Variants in GLRX2 observed in about 807,000 individuals in gnomAD.
GLRX2 encodes the protein glutaredoxin 2.
Under a neutral mutation model 16.4 loss-of-function variants are expected in GLRX2, and 12 were observed. That is an observed-to-expected ratio of 0.73 (90% confidence interval 0.47 to 1.19). GLRX2 has a LOEUF of 1.19. Among genes scored for constraint, GLRX2 ranks in the 50% most tolerant of loss-of-function variants. GLRX2 has a pLI of 0.00. For synonymous variants in GLRX2, 95 were observed against 76.2 expected (o/e 1.25, Z -1.28); for missense variants, 201 against 201.8 (o/e 1.00, Z 0.02).
intron 2 of GLRX2, among the ~76,000 whole-genome samples, chr1:193,099,476 G>A (rs887763370): frequency 1.3e-5 from 2 of 152,128 alleles, no homozygotes; most frequent in African/African-American, 2.4e-5. Flanking sequence ...AAGTGTCTGG[G>A]ACTACAGACA....
intron 2 of GLRX2, among the ~76,000 whole-genome samples, chr1:193,099,002 C>T (rs928414781): frequency 6.6e-6 from 1 of 152,114 alleles, no homozygotes; most frequent in Non-Finnish European, 1.5e-5. Context: ...TTCCTATATA[C>T]CTTTATAGTA....
intron 1 of GLRX2, among the ~76,000 whole-genome samples, chr1:193,103,358 A>G (rs964306433): frequency 8.5e-5 from 13 of 152,232 alleles, no homozygotes; most frequent in Non-Finnish European, 1.6e-4. Context: ...TGTGGAGACA[A>G]GAACAGAAAA....
At chr1:193,105,563 T>G, upstream of GLRX2, 1 of 1,603,704 alleles carries the variant, frequency 6.2e-7, no homozygotes, top group Non-Finnish European at 8.5e-7. Flanking sequence ...GAGCGCTGGA[T>G]TCCAGCGAGT....
intron 2 of GLRX2, among the ~76,000 whole-genome samples, chr1:193,098,997 A>G (rs534381767): frequency 6.6e-6 from 1 of 152,328 alleles, no homozygotes; most frequent in South Asian, 2.1e-4. Context: ...ATCCTTTCCT[A>G]TATACCTTTA....
chr1:193,098,766 G>A (rs1221539), intron 2 of GLRX2, among the ~76,000 whole-genome samples: 3 of 151,932 alleles, frequency 2.0e-5, no homozygotes, highest in Admixed American at 1.3e-4. Flanking sequence ...GGCCAGGCTC[G>A]TCTCAAACTC....
chr1:193,098,739 CG>C lies in GLRX2; in HGVS notation c.184-980del, dbSNP rs1236895029. ...GTTAATTTTTGTTTTTTAGTAGAGA[CG>C]GGGTTTCACCATGTTGGCCAGGCTC... is the stretch of plus-strand genomic sequence containing the variant. On this transcript the variant is annotated intron_variant, in intron 2 of 3. Coordinates refer to ENST00000367439, the MANE Select transcript of GLRX2 (RefSeq NM_197962.3). 1.3e-5 allele frequency among the ~76,000 whole-genome samples: 2 copies of C among 151,908 alleles called. 1 individual carries two copies. Among genetic ancestry groups the C allele is most frequent in the Admixed American group, 1.3e-4 (2 of 15,252 alleles).
At chr1:193,097,997 T>C (rs533224410) in intron 2 of GLRX2, among the ~76,000 whole-genome samples, 1 of 152,302 alleles carries the variant, frequency 6.6e-6, no homozygotes, top group Admixed American at 6.5e-5. Flanking sequence ...ATAATAATTG[T>C]AGCCAATTCA....
intron 1 of GLRX2, among the ~76,000 whole-genome samples, chr1:193,104,923 A>G (rs1675154596): frequency 1.3e-5 from 2 of 152,260 alleles, no homozygotes; most frequent in Admixed American, 1.3e-4. Flanking sequence ...AGTATTTGGG[A>G]CACACTTGGA....
intron 1 of GLRX2, among the ~76,000 whole-genome samples, chr1:193,104,824 G>GT (rs1405423254): frequency 1.3e-5 from 2 of 152,284 alleles, no homozygotes; most frequent in Non-Finnish European, 2.9e-5. Flanking sequence ...GGGTGGCTAA[G>GT]TTTAGCAAAC....
intron 2 of GLRX2, among the ~76,000 whole-genome samples, chr1:193,100,241 G>A (rs536121100): frequency 1.3e-5 from 2 of 152,272 alleles, no homozygotes; most frequent in East Asian, 1.9e-4. Context: ...TTGGGAGGCC[G>A]AGGCAGGTAG....
At chr1:193,105,419 G>A, upstream of GLRX2, 1 of 1,483,626 alleles carries the variant, frequency 6.7e-7, no homozygotes, top group African/African-American at 1.5e-5. Flanking sequence ...TCTACTGCCG[G>A]ACACCGCGGA....
At chr1:193,098,690 T>C (rs1365771831) in intron 2 of GLRX2, among the ~76,000 whole-genome samples, 1 of 152,034 alleles carries the variant, frequency 6.6e-6, no homozygotes, top group Non-Finnish European at 1.5e-5. Flanking sequence ...TAGTTAGGAT[T>C]ATAGGCACCT....
At chr1:193,096,792 A>C (rs1291925583) in intron 3 of GLRX2, 33 bp from the exon 4 acceptor site, 1 of 1,553,932 alleles carries the variant, frequency 6.4e-7, no homozygotes, top group Non-Finnish European at 8.8e-7. Context: ...ATTAGGCTTT[A>C]CTCTAGTATC....
At chr1:193,101,035 T>C in intron 2 of GLRX2, 106 bp downstream of exon 2, 1 of 761,594 alleles carries the variant, frequency 1.3e-6, no homozygotes, top group Non-Finnish European at 2.4e-6. Context: ...TTAATTCATT[T>C]GCTAAACTAT....
intron 1 of GLRX2, among the ~76,000 whole-genome samples, chr1:193,102,498 T>G (rs1490499735): frequency 6.6e-6 from 1 of 152,070 alleles, no homozygotes; most frequent in East Asian, 1.9e-4. Context: ...ACTACAGGTA[T>G]GTACCACCAC....
rs562584051 is a variant in GLRX2 at position 193,105,236 on chromosome 1, G to A, written c.119+28C>T. 3.8e-3 allele frequency: 5,754 copies of A among 1,531,678 alleles called. 254 individuals carry two copies. In the South Asian group the frequency reaches 0.065, roughly 17 times the overall value. The allele number at this position is 1,531,678 out of a possible 1,614,324, so 94.9% of individuals were successfully genotyped here. On this transcript the variant is annotated intron_variant, in intron 1 of 3. Coordinates refer to ENST00000367439, the MANE Select transcript of GLRX2 (RefSeq NM_197962.3). ...CCCCGCAAGGCCTGCGCACCACGCC[G>A]CGGCACTCCTGCCCGCTGACCCCGT... is the stretch of plus-strand genomic sequence containing the variant.
rs547449665 is a variant in GLRX2, at chr1:193,105,362, C to G, written c.21G>C (p.Ala7=). MIWRRA[A]LAGTRLVWSR... The stretch of plus-strand genomic sequence containing the variant: ...TCCAAACCAGCCGCGTCCCCGCCAG[C>G]GCCGCGCGGCGCCAAATCATGGTCA... Residue 7 remains alanine (A), a synonymous_variant, in exon 1 of 4, where the codon GCG becomes GCC. Coordinates refer to ENST00000367439, the MANE Select transcript of GLRX2 (RefSeq NM_197962.3). 8 of 1,546,306 alleles carry G rather than the reference C, an allele frequency of 5.2e-6. No homozygotes were observed. The African/African-American group carries it at 8.5e-5, about 16-fold the overall frequency.
intron 2 of GLRX2, among the ~76,000 whole-genome samples, chr1:193,099,174 A>G (rs1451055376): frequency 6.6e-6 from 1 of 152,192 alleles, no homozygotes; most frequent in Non-Finnish European, 1.5e-5. Context: ...TTTGAAAACT[A>G]CCTTCCAGGC....
upstream of GLRX2, chr1:193,105,552 C>T: frequency 8.1e-6 from 13 of 1,598,682 alleles, no homozygotes; most frequent in South Asian, 1.1e-5. Flanking sequence ...CAGGGCTGCC[C>T]GAGCGCTGGA....
Sources: gnomAD v4.1 joint callset for allele counts (sites outside exome capture counted in the v4.1 genomes callset) on GRCh38, gnomAD v4.1.1 for gene constraint, MANE v1.5 for transcripts, NCBI Gene and HGNC (gene_info 2026-07-23, HGNC 2026-07-21) for gene names.